Variants in ANTXR2 observed in about 807,000 individuals in gnomAD.
The protein encoded by ANTXR2 is anthrax toxin receptor 2.
ANTXR2 carries 44 observed loss-of-function variants against 73.7 expected under a neutral mutation model. The observed-to-expected ratio is 0.60, with a 90% CI of 0.47 to 0.77. The LOEUF is 0.77. Among genes scored for constraint, ANTXR2 ranks in the 30% least tolerant of loss-of-function variants. The pLI is 0.00. For synonymous variants in ANTXR2, 217 were observed against 205.9 expected, an observed-to-expected ratio of 1.05 and a Z score of -0.46; for missense variants, 604 against 592.5, an observed-to-expected ratio of 1.02 and a Z score of -0.20.
At chr4:80,001,839 A>G (rs1343093358) in intron 12 of ANTXR2, among the ~76,000 whole-genome samples, 4 of 150,756 alleles carry the variant, frequency 2.7e-5, no homozygotes, top group Non-Finnish European at 5.9e-5. Context: ...TTGTTGGTTT[A>G]AATTCTGTTT....
In ANTXR2 at chr4:80,036,031, A is replaced by T; in HGVS notation, c.638T>A (p.Ile213Lys). 1 of 1,505,782 alleles carries T rather than the reference A, an allele frequency of 6.6e-7. No homozygotes were observed. The highest frequency in any genetic ancestry group is 8.8e-7 in the Non-Finnish European group (1 of 1,131,984). 93.3% of individuals were successfully genotyped at this position (1,505,782 alleles called of 1,614,324 possible). A position where few individuals can be genotyped will look rare whatever the true frequency, so the allele number is the denominator to read the frequency against. ...FQALKGIINS[I>K]LAQSCTEILE... ...GATTTCAGTACATGACTGAGCTAGT[A>T]TCTAAAAAAGAAAAAAAAAAAAGAT... The change falls in exon 8 of 17, where the codon ATA (isoleucine) becomes AAA (lysine). Residue 213 changes from isoleucine to lysine, a missense_variant and splice_region_variant. Transcript: ENST00000403729.
At position 80,072,425 on chromosome 4, in the gene ANTXR2, A is replaced by G. The variant is rs1460299885; in HGVS notation, c.136T>C (p.Tyr46His). 6 of 1,604,930 alleles carry G rather than the reference A, an allele frequency of 3.7e-6. No individual in the cohort carries two copies. The highest frequency in any genetic ancestry group is 2.6e-6 in the Non-Finnish European group (3 of 1,176,086). The change falls in exon 1 of 17, where the codon TAC becomes CAC. Residue 46 changes from tyrosine to histidine, a missense_variant. By Grantham distance (83) the Tyr-to-His change is moderately conservative. Transcript: ENST00000403729. ...QPSCRRAFDL[Y>H]FVLDKSGSVA... ...CACACTCACTTGTCCAGGACGAAGT[A>G]GAGATCAAAGGCTCTTCTGCAGGAG...
At chr4:80,011,918 C>T (rs1432526231) in intron 11 of ANTXR2, among the ~76,000 whole-genome samples, 2 of 152,140 alleles carry the variant, frequency 1.3e-5, no homozygotes, top group African/African-American at 4.8e-5. Context: ...CTTTTCTTCA[C>T]TAAAAGCAAG....
At chr4:79,976,302 A>C (rs1169614614) in intron 16 of ANTXR2, among the ~76,000 whole-genome samples, 1 of 152,230 alleles carries the variant, frequency 6.6e-6, no homozygotes, top group Admixed American at 6.5e-5. Context: ...ATGTTGACAC[A>C]CAGTGAAAAC....
At chr4:79,908,683 T>C (rs560705218) in intron 16 of ANTXR2, among the ~76,000 whole-genome samples, 2 of 152,326 alleles carry the variant, frequency 1.3e-5, no homozygotes, top group East Asian at 3.9e-4. Context: ...TTTGTGTTAA[T>C]GTCTACAAAT....
In ANTXR2 at chr4:80,072,733, A is replaced by C; in HGVS notation, c.-173T>G. 1 of 1,332,268 alleles carries C rather than the reference A, an allele frequency of 7.5e-7. No homozygotes were observed. Among genetic ancestry groups the C allele is most frequent in the Non-Finnish European group, 9.6e-7 (1 of 1,046,114 alleles). The allele number at this position is 1,332,268 out of a possible 1,614,324, so 82.5% of individuals were successfully genotyped here. On this transcript the variant is annotated 5_prime_UTR_variant, in exon 1 of 17. Transcript: ENST00000403729. ...CCAGCTGACAGGGAGGGAGAGAGGG[A>C]GGTCCTGAGAGGACAAAGGGAGTCT...
chr4:80,057,699 T>C (rs573374725), intron 3 of ANTXR2, among the ~76,000 whole-genome samples: 3 of 120,332 alleles, frequency 2.5e-5, no homozygotes, highest in South Asian at 4.7e-4. Context: ...TGTTTTACCA[T>C]AATAAAAAAA....
At chr4:79,983,591 C>A (rs997393854) in intron 14 of ANTXR2, among the ~76,000 whole-genome samples, 3 of 152,016 alleles carry the variant, frequency 2.0e-5, no homozygotes, top group East Asian at 1.9e-4. Flanking sequence ...ACGTTCTATG[C>A]GGTAATTTTT....
chr4:79,987,076 C>G (rs893038247), intron 12 of ANTXR2, among the ~76,000 whole-genome samples: 5 of 152,166 alleles, frequency 3.3e-5, no homozygotes, highest in Admixed American at 6.5e-5. Context: ...ATTCTGGCAA[C>G]TCTAAAAGCC....
At chr4:80,044,203 C>T (rs919223680) in intron 7 of ANTXR2, among the ~76,000 whole-genome samples, 1 of 151,852 alleles carries the variant, frequency 6.6e-6, no homozygotes, top group Non-Finnish European at 1.5e-5. Flanking sequence ...GCAAAAATAA[C>T]CAGAAATCAT....
chr4:79,986,058 G>A (rs963921053), intron 12 of ANTXR2, among the ~76,000 whole-genome samples: 6 of 151,952 alleles, frequency 3.9e-5, no homozygotes, highest in East Asian at 1.9e-4. Flanking sequence ...TGGCCAGGCT[G>A]GTCTCAAATT....
intron 12 of ANTXR2, among the ~76,000 whole-genome samples, chr4:79,996,911 G>A (rs1353671509): frequency 6.6e-6 from 1 of 151,778 alleles, no homozygotes; most frequent in Non-Finnish European, 1.5e-5. Context: ...TGAAGATTCT[G>A]GAAAACACTT....
At chr4:80,061,276 G>T (rs1330267693) in intron 3 of ANTXR2, among the ~76,000 whole-genome samples, 2 of 113,756 alleles carry the variant, frequency 1.8e-5, no homozygotes, top group South Asian at 7.3e-4. Flanking sequence ...AAAAGTGTGT[G>T]TGTGCCTCTG....
At chr4:79,974,067 T>A (rs1229642225) in intron 16 of ANTXR2, among the ~76,000 whole-genome samples, 1 of 152,144 alleles carries the variant, frequency 6.6e-6, no homozygotes, top group Non-Finnish European at 1.5e-5. Flanking sequence ...TTATTAAAAA[T>A]CCTTGGGAAT....
rs540888961 is a variant in ANTXR2 at position 80,025,660 on chromosome 4, GA to G, written c.866+5962del. Among the ~76,000 whole-genome samples, 172 of 152,248 alleles carry G rather than the reference GA, an allele frequency of 1.1e-3. 2 individuals carry two copies. The highest frequency in any genetic ancestry group is 4.0e-3 in the African/African-American group (165 of 41,562). ...CTTTTTAAAAGATAGTTTTATGAAT[GA>G]TAAAGATTTTAAGTTGGAAGATAAG... On this transcript the variant is annotated intron_variant, in intron 10 of 16. Transcript: ENST00000403729.
chr4:80,033,381 CA>C, intron 9 of ANTXR2, 90 bp downstream of exon 9: 2 of 847,876 alleles, frequency 2.4e-6, no homozygotes, highest in Non-Finnish European at 3.6e-6. Flanking sequence ...AAAAATATGT[CA>C]GTTAGTTTTC....
chr4:80,053,997 A>G (rs185896517), intron 7 of ANTXR2, among the ~76,000 whole-genome samples: 119 of 151,858 alleles, frequency 7.8e-4, no homozygotes, highest in African/African-American at 2.8e-3. Flanking sequence ...TTAACTCCAG[A>G]ATCAAAGGGT....
In ANTXR2 at chr4:80,042,873, G is replaced by C. The variant is rs1733336228; in HGVS notation, c.637-6841C>G. Among the ~76,000 whole-genome samples, 3 of 151,938 alleles carry C rather than the reference G, an allele frequency of 2.0e-5. No individual in the cohort carries two copies. The South Asian group carries it at 6.2e-4, about 31-fold the overall frequency. On this transcript the variant is annotated intron_variant, in intron 7 of 16. Transcript: ENST00000403729. ...TAGTTTCTTTCCCTCTTATATTTGT[G>C]AATCACAGGGTCTCTAAAACCTTTT...
chr4:79,992,761 A>G (rs1730532165), intron 12 of ANTXR2, among the ~76,000 whole-genome samples: 1 of 152,074 alleles, frequency 6.6e-6, no homozygotes, highest in African/African-American at 2.4e-5. Context: ...ACAAAATCAA[A>G]GCTACCCTAA....
Sources: gnomAD v4.1 joint callset for allele counts (sites outside exome capture counted in the v4.1 genomes callset) on GRCh38, gnomAD v4.1.1 for gene constraint, MANE v1.5 for transcripts, NCBI Gene and HGNC (gene_info 2026-07-23, HGNC 2026-07-21) for gene names.